PSMD6: variants seen among roughly 807,000 people sequenced by gnomAD.
PSMD6 encodes the protein 26S proteasome non-ATPase regulatory subunit 6.
In PSMD6, 7 loss-of-function variants were observed where a neutral mutation model predicts 44.9. The ratio of observed to expected loss-of-function variants is 0.16; its 90% CI spans 0.09 to 0.29. The LOEUF is 0.29. PSMD6 is among the 10% of genes least tolerant of loss of function. The probability of loss-of-function intolerance (pLI) is 1.00; values close to 1 mark genes in which losing one functional copy is unlikely to be tolerated. For synonymous variants in PSMD6, 184 were observed against 172.7 expected, an observed-to-expected ratio of 1.07 and a Z score of -0.51; for missense variants, 420 against 482.6, an observed-to-expected ratio of 0.87 and a Z score of 1.21.
At chr3:64,017,434 C>G (rs1389202688) in intron 5 of PSMD6, 1 of 151,620 alleles carries the variant, frequency 6.6e-6, no homozygotes, top group Non-Finnish European at 1.5e-5. Flanking sequence ...AATAAGAATC[C>G]CAGGAATGCA....
intron 5 of PSMD6, chr3:64,014,871 A>G (rs2076018560): frequency 6.6e-6 from 1 of 152,296 alleles, no homozygotes; most frequent in Admixed American, 6.5e-5. Flanking sequence ...CTGATGGCAC[A>G]AAGTGAAGAT....
In PSMD6 at chr3:64,013,468, C is replaced by A. The variant is rs139343115; in HGVS notation, c.966G>T (p.Ala322=). The change falls in exon 6 of 8, where the codon GCG becomes GCT. Residue 322 remains alanine, a synonymous_variant. Coordinates refer to ENST00000295901, the MANE Select transcript of PSMD6 (RefSeq NM_014814.3). ...CAATGAATTCCACACCAACACCAAA[C>A]GCTTCTGCCATATAGCCAAGGGTTA... ...RSLTLGYMAE[A]FGVGVEFIDQ... is the part of the protein sequence containing the mutation. The A allele has an allele frequency of 6.9e-6, 11 of 1,595,270 alleles. No individual in the cohort carries two copies. The highest frequency in any genetic ancestry group is 1.1e-5 in the South Asian group (1 of 87,204).
At chr3:64,012,040 T>TTGGTAGGGATCATTTAAAAAA (rs147922846) in intron 6 of PSMD6, 1 of 152,044 alleles carries the variant, frequency 6.6e-6, no homozygotes, top group African/African-American at 2.4e-5. Context: ...GCCTTCCATT[T>TTGGTAGGGATCATTTAAAAAA]TGGTAGGGAT....
Position 64,023,404 on chromosome 3 carries a change from G to A in PSMD6, c.16C>T (p.Leu6=), listed in dbSNP as rs1319155119. 4 of 1,603,816 alleles carry A rather than the reference G, an allele frequency of 2.5e-6. No homozygotes were observed. The highest frequency in any genetic ancestry group is 4.6e-5 in the East Asian group (2 of 43,946). ...TTCTTGGGCAGACCCTCCTCCTCCA[G>A]GTTCTCCAGCGGCATCGCGGCGAAG... The part of the protein sequence containing the change: MPLEN[L]EEEGLPKNPD... The change falls in exon 1 of 8, where the codon CTG becomes TTG. Residue 6 remains leucine, a synonymous_variant. Coordinates refer to ENST00000295901, the MANE Select transcript of PSMD6 (RefSeq NM_014814.3).
intron 6 of PSMD6, chr3:64,011,693 C>T (rs1179800049): frequency 6.6e-6 from 1 of 151,882 alleles, no homozygotes; most frequent in Non-Finnish European, 1.5e-5. Flanking sequence ...TCAACTACTA[C>T]CTGAAAGGTA....
chr3:64,023,559 C>T (rs2076169891), upstream of PSMD6: 1 of 1,419,294 alleles, frequency 7.0e-7, no homozygotes. Flanking sequence ...GCGTCCTCTG[C>T]TGGACACCTC....
chr3:64,021,772 T>C (rs994740814), intron 2 of PSMD6, among the ~76,000 whole-genome samples: 5 of 151,346 alleles, frequency 3.3e-5, no homozygotes, highest in African/African-American at 1.2e-4. Context: ...GATCACTCCA[T>C]TGTACTCCAG....
At chr3:64,011,122 T>C in intron 6 of PSMD6, 167 bp from the exon 7 acceptor site, 1 of 539,170 alleles carries the variant, frequency 1.9e-6, no homozygotes, top group Non-Finnish European at 3.2e-6. Flanking sequence ...CTGCAGGCTT[T>C]AAGTCATCAT....
chr3:64,013,568 G>A lies in PSMD6; in HGVS notation c.866C>T (p.Ala289Val), dbSNP rs781674760. 42 of 1,610,078 alleles carry A rather than the reference G, an allele frequency of 2.6e-5. No individual in the cohort carries two copies. The highest frequency in any genetic ancestry group is 3.1e-5 in the Non-Finnish European group (37 of 1,178,722). ...TCTTACATAGTATCGATAATGAGGG[G>A]CAAAAAGCCAGTCCTTTTTCATTTC... Reference protein sequence around the residue: ...EQEMKKDWLFAPHYRYYVREM... With the variant: ...EQEMKKDWLFVPHYRYYVREM... Residue 289 changes from alanine to valine, a missense_variant, in exon 6 of 8, where the codon GCC (alanine) becomes GTC (valine). Ala to Val is a moderately conservative substitution (Grantham distance 64, BLOSUM62 0). Coordinates refer to ENST00000295901, the MANE Select transcript of PSMD6 (RefSeq NM_014814.3).
chr3:64,023,365 T>C lies in PSMD6; in HGVS notation c.55A>G (p.Ile19Val), dbSNP rs1040971819. 3.1e-6 allele frequency: 5 copies of C among 1,612,234 alleles called. No homozygotes were observed. The African/African-American group carries it at 5.3e-5, about 17-fold the overall frequency. Residue 19 changes from isoleucine to valine, a missense_variant, in exon 1 of 8, where the codon ATC becomes GTC. Physicochemically the swap from Ile to Val is conservative, Grantham distance 29. Transcript: ENST00000295901. ...CTGAGCAGGAAGCGCAGCTGCGCGA[T>C]ACGCAAGTCGGGGTTCTTGGGCAGA... ...EGLPKNPDLR[I>V]AQLRFLLSLP...
intron 6 of PSMD6, 57 bp from the exon 7 acceptor site, chr3:64,011,012 G>A: frequency 7.3e-7 from 1 of 1,375,344 alleles, no homozygotes; most frequent in Non-Finnish European, 1.0e-6. Context: ...TTAGAAAAAT[G>A]CAAACGGCAT....
At chr3:64,013,650 C>T in intron 5 of PSMD6, 43 bp from the exon 6 acceptor site, 1 of 1,512,622 alleles carries the variant, frequency 6.6e-7, no homozygotes. Flanking sequence ...CTCTCCGTTT[C>T]AGATAAAAAG....
chr3:64,011,218 A>G lies in PSMD6; in HGVS notation c.996-263T>C, dbSNP rs149664044. The G allele has an allele frequency of 9.3e-4, 283 of 303,580 alleles. 3 individuals are homozygous for G. The highest frequency in any genetic ancestry group is 1.4e-3 in the African/African-American group (65 of 46,230). 18.8% of individuals were successfully genotyped at this position (303,580 alleles called of 1,614,324 possible). A position where few individuals can be genotyped will look rare whatever the true frequency, so the allele number is the denominator to read the frequency against. On this transcript the variant is annotated intron_variant, in intron 6 of 7. Transcript: ENST00000295901. ...AATGAAACCATATGTACTCAGAGAA[A>G]AACTGTAGGTTAGGAAAAATTAGGG...
chr3:64,016,775 C>G (rs1050455802), intron 5 of PSMD6: 6 of 152,258 alleles, frequency 3.9e-5, no homozygotes, highest in African/African-American at 1.4e-4. Flanking sequence ...ACTGGCAGTT[C>G]CTCAAAAAGT....
chr3:64,011,115 C>A, intron 6 of PSMD6, 160 bp from the exon 7 acceptor site: 1 of 568,984 alleles, frequency 1.8e-6, no homozygotes, highest in East Asian at 3.0e-5. Flanking sequence ...TCCTATACTG[C>A]AGGCTTTAAG....
chr3:64,023,442 G>A lies in PSMD6; in HGVS notation c.-23C>T, dbSNP rs754317269. 20 of 1,581,256 alleles carry A rather than the reference G, an allele frequency of 1.3e-5. No homozygotes were observed. Among genetic ancestry groups the A allele is most frequent in the Middle Eastern group, 1.7e-4 (1 of 5,972 alleles). On this transcript the variant is annotated 5_prime_UTR_variant, in exon 1 of 8. Coordinates refer to ENST00000295901, the MANE Select transcript of PSMD6 (RefSeq NM_014814.3). ...CATCGCGGCGAAGGGGACAGCGGCT[G>A]ACAGGACACAACTTGGTTACGACCG...
At chr3:64,017,224 A>G (rs573553255) in intron 5 of PSMD6, 6 of 152,352 alleles carry the variant, frequency 3.9e-5, no homozygotes, top group African/African-American at 1.4e-4. Context: ...GGAATTATTA[A>G]TATTTGCAAA....
At position 64,015,899 on chromosome 3, in the gene PSMD6, G is replaced by A. The variant is rs1051512814; in HGVS notation, c.827-2292C>T. On this transcript the variant is annotated intron_variant, in intron 5 of 7. Transcript: ENST00000295901. ...CTTTTTTAAAGTGCATATAATAAACGAGTAAAAGGCCGGGCGCGGTGGCTC... is the reference window on the plus strand; with the variant it reads ...CTTTTTTAAAGTGCATATAATAAACAAGTAAAAGGCCGGGCGCGGTGGCTC... The A allele has an allele frequency of 3.9e-5, 6 of 152,144 alleles. No homozygotes were observed. The East Asian group carries it at 7.7e-4, about 20-fold the overall frequency. The allele number at this position is 152,144 out of a possible 1,614,324, so 9.4% of individuals were successfully genotyped here.
chr3:64,013,396 G>T lies in PSMD6; in HGVS notation c.995+43C>A, dbSNP rs955252163. On this transcript the variant is annotated intron_variant, in intron 6 of 7. Transcript: ENST00000295901. ...TGTACAAGTTCACATATTTTAAAAG[G>T]CAACTTTAAAACTTCAATTAACATG... The T allele has an allele frequency of 5.5e-6, 8 of 1,465,330 alleles. No individual in the cohort carries two copies. The African/African-American group carries it at 1.0e-4, about 19-fold the overall frequency. 90.8% of individuals were successfully genotyped at this position (1,465,330 alleles called of 1,614,324 possible). A position where few individuals can be genotyped will look rare whatever the true frequency, so the allele number is the denominator to read the frequency against.
Sources: gnomAD v4.1 joint callset for allele counts (sites outside exome capture counted in the v4.1 genomes callset) on GRCh38, gnomAD v4.1.1 for gene constraint, MANE v1.5 for transcripts, NCBI Gene and HGNC (gene_info 2026-07-23, HGNC 2026-07-21) for gene names.